The following ARL13B variants were observed in gnomAD, a reference collection of about 807,000 sequenced individuals.
ARL13B encodes the protein ARF like GTPase 13B, also known as ADP-ribosylation factor-like protein 13B.
In ARL13B, 36 loss-of-function variants were observed where a neutral mutation model predicts 56.1. The observed-to-expected ratio is 0.64, with a 90% CI of 0.49 to 0.85. The LOEUF (loss-of-function observed/expected upper bound fraction) is 0.85. Among genes scored for constraint, ARL13B ranks in the 40% least tolerant of loss-of-function variants. The probability of loss-of-function intolerance (pLI) is 0.00; values close to 1 mark genes in which losing one functional copy is unlikely to be tolerated. For missense variants in ARL13B, 519 were observed against 507.1 expected (o/e 1.02, Z -0.23); for synonymous variants, 178 against 171.1 (o/e 1.04, Z -0.32).
intron 2 of ARL13B, among the ~76,000 whole-genome samples, chr3:93,997,094 T>C (rs1394710581): frequency 2.0e-5 from 3 of 152,034 alleles, no homozygotes; most frequent in Non-Finnish European, 2.9e-5. Flanking sequence ...GACCATCTAG[T>C]TGCAGGAAAA....
intron 7 of ARL13B, 84 bp downstream of exon 7, chr3:94,043,324 T>C: frequency 8.0e-7 from 1 of 1,249,558 alleles, no homozygotes; most frequent in Non-Finnish European, 1.1e-6. Context: ...ATGTTTGTTT[T>C]TACAAACGAG....
intron 7 of ARL13B, among the ~76,000 whole-genome samples, chr3:94,046,298 C>T (rs2076983564): frequency 6.6e-6 from 1 of 152,120 alleles, no homozygotes; most frequent in Non-Finnish European, 1.5e-5. Context: ...TTCTCCACCT[C>T]ATCTCCTGGC....
intron 4 of ARL13B, among the ~76,000 whole-genome samples, chr3:94,036,256 T>C (rs575718541): frequency 5.9e-5 from 9 of 152,200 alleles, no homozygotes; most frequent in Non-Finnish European, 1.0e-4. Flanking sequence ...TTTTAATCAA[T>C]AGAGATGTCT....
chr3:93,993,366 A>T (rs554181268), intron 1 of ARL13B, among the ~76,000 whole-genome samples: 1 of 152,024 alleles, frequency 6.6e-6, no homozygotes. Flanking sequence ...GCTCAAAGTG[A>T]TCTGCCCACC....
intron 5 of ARL13B, 27 bp downstream of exon 5, chr3:94,036,781 T>C (rs754652562): frequency 3.8e-6 from 6 of 1,588,378 alleles, no homozygotes; most frequent in Non-Finnish European, 5.1e-6. Flanking sequence ...TGTACCACAG[T>C]GCATTTGAAG....
At position 94,029,348 on chromosome 3, in the gene ARL13B, T is replaced by A. The variant is rs1334019549; in HGVS notation, c.381-5983T>A. 1.1e-3 allele frequency among the ~76,000 whole-genome samples: 76 copies of A among 71,066 alleles called. 3 individuals are homozygous for A. The highest frequency in any genetic ancestry group is 6.8e-3 in the Middle Eastern group (1 of 146). The allele number at this position is 71,066 out of a possible 152,430, so 46.6% of individuals were successfully genotyped here. ...TATATATATATATTTATTTTTTTTT[T>A]ATTTTTTTTTTTTTTTGAGAAGGAG... On this transcript the variant is annotated intron_variant, in intron 3 of 9. Coordinates refer to ENST00000394222, the MANE Select transcript of ARL13B (RefSeq NM_001174150.2).
intron 3 of ARL13B, 119 bp from the exon 4 acceptor site, chr3:94,035,212 G>A: frequency 1.4e-6 from 1 of 699,778 alleles, no homozygotes; most frequent in Non-Finnish European, 2.3e-6. Context: ...ACTCCAGCCT[G>A]GGAAACAGAG....
intron 1 of ARL13B, among the ~76,000 whole-genome samples, chr3:93,988,056 C>T (rs901931176): frequency 2.0e-5 from 3 of 152,030 alleles, no homozygotes; most frequent in Non-Finnish European, 4.4e-5. Context: ...AAGCTGTACA[C>T]GTTCTACCAA....
intron 7 of ARL13B, among the ~76,000 whole-genome samples, chr3:94,047,539 G>C (rs780384097): frequency 1.9e-4 from 29 of 152,248 alleles, no homozygotes; most frequent in Middle Eastern, 6.8e-3. Flanking sequence ...AGATGCCTTT[G>C]TATGCACTAT....
intron 6 of ARL13B, 38 bp downstream of exon 6, chr3:94,040,026 T>G (rs768779992): frequency 6.3e-7 from 1 of 1,577,964 alleles, no homozygotes; most frequent in African/African-American, 1.3e-5. Flanking sequence ...GTATCTTAAG[T>G]TATAAGTTGG....
At chr3:93,982,628 A>C (rs894671603) in intron 1 of ARL13B, among the ~76,000 whole-genome samples, 1 of 152,218 alleles carries the variant, frequency 6.6e-6, no homozygotes, top group African/African-American at 2.4e-5. Context: ...TGCTTATGTT[A>C]ACATTTCTGT....
At chr3:93,988,770 T>C in intron 1 of ARL13B, 1 of 430,762 alleles carries the variant, frequency 2.3e-6, no homozygotes, top group Non-Finnish European at 4.6e-6. Flanking sequence ...ATGCTCCCCT[T>C]TTCCCATTTG....
chr3:94,009,690 TA>T (rs1396947657), intron 3 of ARL13B, among the ~76,000 whole-genome samples: 3 of 152,074 alleles, frequency 2.0e-5, no homozygotes, highest in African/African-American at 7.2e-5. Flanking sequence ...TCTATTGGCT[TA>T]AGATTTCTCT....
Position 94,043,067 on chromosome 3 carries a change from G to A in ARL13B, c.851G>A (p.Ser284Asn). 1 of 1,613,260 alleles carries A rather than the reference G, an allele frequency of 6.2e-7. No homozygotes were observed. Among genetic ancestry groups the A allele is most frequent in the East Asian group, 2.2e-5 (1 of 44,828 alleles). Residue 284 changes from serine (S) to asparagine (N), a missense_variant, in exon 7 of 10, where the codon AGT becomes AAT. By Grantham distance (46) the Ser-to-Asn change is conservative. Transcript: ENST00000394222. ...EKKNQKMEKD[S>N]DGCHLKHKME... The stretch of plus-strand genomic sequence containing the variant: ...AAAAACCAAAAAATGGAGAAAGACA[G>A]TGATGGCTGCCACCTGAAACATAAA...
chr3:93,998,478 T>C (rs2076002260), intron 2 of ARL13B, among the ~76,000 whole-genome samples: 1 of 152,236 alleles, frequency 6.6e-6, no homozygotes, highest in Non-Finnish European at 1.5e-5. Context: ...TTCAGTTTCT[T>C]ACTTTGAAAT....
chr3:93,987,539 CA>C (rs1296362900), intron 1 of ARL13B, among the ~76,000 whole-genome samples: 2 of 152,038 alleles, frequency 1.3e-5, no homozygotes, highest in Non-Finnish European at 2.9e-5. Flanking sequence ...AGAATTATTT[CA>C]GTTTTTTCTT....
At chr3:93,995,835 T>G (rs1450483791) in intron 1 of ARL13B, 39 bp from the exon 2 acceptor site, 1 of 1,551,990 alleles carries the variant, frequency 6.4e-7, no homozygotes, top group South Asian at 1.2e-5. Context: ...AATACTAAAT[T>G]AACAAAGAAA....
intron 2 of ARL13B, among the ~76,000 whole-genome samples, chr3:93,998,709 C>T (rs1326828758): frequency 2.0e-5 from 3 of 152,140 alleles, no homozygotes; most frequent in African/African-American, 7.2e-5. Flanking sequence ...ATCATGTCCA[C>T]TTTTTTGGCC....
intron 3 of ARL13B, among the ~76,000 whole-genome samples, chr3:94,009,082 T>TAGAC (rs140930264): frequency 7.8e-6 from 1 of 127,594 alleles, no homozygotes; most frequent in South Asian, 2.3e-4. Flanking sequence ...TAAAGATAGA[T>TAGAC]AGATAGATAG....
Sources: gnomAD v4.1 joint callset for allele counts (sites outside exome capture counted in the v4.1 genomes callset) on GRCh38, gnomAD v4.1.1 for gene constraint, MANE v1.5 for transcripts, NCBI Gene and HGNC (gene_info 2026-07-23, HGNC 2026-07-21) for gene names.